The following NR2F1 variants were observed in gnomAD, a reference collection of about 807,000 sequenced individuals.
NR2F1 encodes the protein COUP transcription factor 1.
A neutral mutation model predicts 37.7 loss-of-function variants in NR2F1; 1 was observed. The observed-to-expected ratio is 0.03, with a 90% CI of 0.01 to 0.13. The LOEUF is 0.13. Among genes scored for constraint, NR2F1 ranks in the 10% least tolerant of loss-of-function variants. NR2F1 has a pLI of 1.00. For synonymous variants in NR2F1, 275 were observed against 259.6 expected (o/e 1.06, Z -0.57); for missense variants, 268 against 578.4 (o/e 0.46, Z 5.50).
Position 93,593,012 on chromosome 5 carries a change from T to C in NR2F1, c.992-550T>C, listed in dbSNP as rs1753359896. On this transcript the variant is annotated intron_variant, in intron 2 of 2. Coordinates refer to ENST00000327111, the MANE Select transcript of NR2F1 (RefSeq NM_005654.6). This position sits in a 1 kb window ranked among gnomAD's most constrained non-coding sequence, Gnocchi z 5.6. ...TCCCATGTGTTTGTTCACTACACAA[T>C]CTAGGTTCTCCTGGAGGTTTCTGGT... Among the ~76,000 whole-genome samples the C allele has an allele frequency of 6.6e-6, 1 of 152,128 alleles. No homozygotes were observed. The highest frequency in any genetic ancestry group is 2.1e-4 in the South Asian group (1 of 4,832).
chr5:93,591,434 G>A (rs997587397), intron 2 of NR2F1, among the ~76,000 whole-genome samples: 1 of 152,224 alleles, frequency 6.6e-6, no homozygotes, highest in African/African-American at 2.4e-5. Flanking sequence ...CAGAACCAGG[G>A]CTCCTGCCGG....
At chr5:93,591,089 A>G (rs989885689) in intron 2 of NR2F1, among the ~76,000 whole-genome samples, 1 of 152,238 alleles carries the variant, frequency 6.6e-6, no homozygotes, top group Non-Finnish European at 1.5e-5. Flanking sequence ...CATGAAATAC[A>G]TTCTCTGCAC....
chr5:93,585,776 C>T (rs892231935), intron 1 of NR2F1: 3 of 459,722 alleles, frequency 6.5e-6, no homozygotes, highest in Admixed American at 3.4e-5. Context: ...CTTAAAATCC[C>T]CTTCTTCCCT....
In NR2F1 at chr5:93,594,181, T is replaced by C. The variant is rs1753384308; in HGVS notation, c.*339T>C. ...TTTTAATAAAACAGAAGGAAACTAA[T>C]GGACCTTCCAGGATTTATTGTGGAC... is the stretch of plus-strand genomic sequence containing the variant. On this transcript the variant is annotated 3_prime_UTR_variant, in exon 3 of 3. Coordinates refer to ENST00000327111, the MANE Select transcript of NR2F1 (RefSeq NM_005654.6). 3 of 288,342 alleles carry C rather than the reference T, an allele frequency of 1.0e-5. No individual in the cohort carries two copies. The highest frequency in any genetic ancestry group is 5.0e-5 in the South Asian group (1 of 20,066). 17.9% of individuals were successfully genotyped at this position (288,342 alleles called of 1,614,324 possible).
chr5:93,593,852 G>A lies in NR2F1; in HGVS notation c.*10G>A, dbSNP rs577470913. ...CATCCAGTGCTCCTAGACCTTGGGC[G>A]CTTCCCACCTGCCCCGTCCCCCTAG... On this transcript the variant is annotated 3_prime_UTR_variant, in exon 3 of 3. Coordinates refer to ENST00000327111, the MANE Select transcript of NR2F1 (RefSeq NM_005654.6). This position sits in a 1 kb window ranked among gnomAD's most constrained non-coding sequence, Gnocchi z 5.6. 1.1e-4 allele frequency: 181 copies of A among 1,611,196 alleles called. 4 individuals carry two copies. In the South Asian group the frequency reaches 1.7e-3, roughly 15 times the overall value.
At chr5:93,585,928 C>T (rs1753224710) in intron 1 of NR2F1, among the ~76,000 whole-genome samples, 1 of 151,948 alleles carries the variant, frequency 6.6e-6, no homozygotes, top group South Asian at 2.1e-4. Context: ...TCCACTTTTC[C>T]CTCCACCTCT....
chr5:93,589,291 A>G (rs1262867543), intron 2 of NR2F1, among the ~76,000 whole-genome samples: 1 of 152,248 alleles, frequency 6.6e-6, no homozygotes, highest in Non-Finnish European at 1.5e-5. Context: ...CTCTTATGAT[A>G]GATGGTTCAA....
chr5:93,592,909 C>T lies in NR2F1; in HGVS notation c.992-653C>T, dbSNP rs376413383. Among the ~76,000 whole-genome samples the T allele has an allele frequency of 7.2e-4, 109 of 152,152 alleles. No homozygotes were observed. In the South Asian group the frequency reaches 0.015, roughly 20 times the overall value. ...GCAGAGTCCTTTCTTGCATAGATAA[C>T]GGATCTGAAATCCTATATTGCTAAA... is the stretch of plus-strand genomic sequence containing the variant. On this transcript the variant is annotated intron_variant, in intron 2 of 2. Coordinates refer to ENST00000327111, the MANE Select transcript of NR2F1 (RefSeq NM_005654.6).
At position 93,585,000 on chromosome 5, in the gene NR2F1, C is replaced by G. The variant is rs751463741; in HGVS notation, c.-24C>G. 2.1e-5 allele frequency: 21 copies of G among 993,218 alleles called. No homozygotes were observed. The highest frequency in any genetic ancestry group is 1.2e-4 in the African/African-American group (7 of 56,916). The allele number at this position is 993,218 out of a possible 1,614,324, so 61.5% of individuals were successfully genotyped here. On this transcript the variant is annotated 5_prime_UTR_variant, in exon 1 of 3. Transcript: ENST00000327111. ...CCCTCGGCGAGCAGCTCGGCTCCCC[C>G]CAGCGCTCCCCGGGCCCAAAGATAT... is the stretch of plus-strand genomic sequence containing the variant.
intron 2 of NR2F1, among the ~76,000 whole-genome samples, chr5:93,588,799 G>A (rs979945956): frequency 2.0e-5 from 3 of 151,802 alleles, no homozygotes; most frequent in African/African-American, 7.2e-5. Flanking sequence ...GCGCGTGTGT[G>A]TGTGTGTGTG....
At chr5:93,592,502 A>G (rs533128496) in intron 2 of NR2F1, among the ~76,000 whole-genome samples, 224 of 152,012 alleles carry the variant, frequency 1.5e-3, no homozygotes, top group African/African-American at 5.3e-3. Flanking sequence ...ATATAATATA[A>G]TCTGCTGTCC....
At position 93,583,332 on chromosome 5, in the gene NR2F1, TCTCTC is replaced by T. The variant is rs1753160578; in HGVS notation, c.-1687_-1683del. On this transcript the variant is annotated 5_prime_UTR_variant, in exon 1 of 3. Transcript: ENST00000327111. ...TCTCTCTCTCTCTCTCTCCTCTCTC[TCTCTC>T]CTCTTTCTCCCCCCTCTCTCCCTCC... 6.6e-6 allele frequency: 1 copy of T among 150,990 alleles called. No homozygotes were observed. The highest frequency in any genetic ancestry group is 2.4e-5 in the African/African-American group (1 of 41,042). The allele number at this position is 150,990 out of a possible 1,614,324, so 9.4% of individuals were successfully genotyped here.
intron 2 of NR2F1, among the ~76,000 whole-genome samples, chr5:93,590,303 C>T (rs952242855): frequency 1.3e-5 from 2 of 152,170 alleles, no homozygotes; most frequent in African/African-American, 2.4e-5. Context: ...TTTCCTTACA[C>T]CCCCTAAGGT....
intron 1 of NR2F1, 135 bp downstream of exon 1, chr5:93,585,621 G>C: frequency 1.4e-6 from 1 of 721,902 alleles, no homozygotes; most frequent in South Asian, 1.9e-5. Context: ...TCCTTCTCCC[G>C]GCTGCCTTCC....
intron 1 of NR2F1, 139 bp downstream of exon 1, chr5:93,585,625 G>T (rs1753216473): frequency 4.3e-6 from 3 of 703,160 alleles, no homozygotes; most frequent in Non-Finnish European, 7.1e-6. Context: ...TCTCCCGGCT[G>T]CCTTCCTCCC....
intron 1 of NR2F1, chr5:93,585,710 C>A (rs1554074710): frequency 1.8e-6 from 1 of 560,662 alleles, no homozygotes; most frequent in Non-Finnish European, 3.2e-6. Context: ...CTCCCCGGCT[C>A]CCCCACCCCG....
In NR2F1 at chr5:93,593,007, C is replaced by T. The variant is rs1030949296; in HGVS notation, c.992-555C>T. On this transcript the variant is annotated intron_variant, in intron 2 of 2. Coordinates refer to ENST00000327111, the MANE Select transcript of NR2F1 (RefSeq NM_005654.6). This position sits in a 1 kb window ranked among gnomAD's most constrained non-coding sequence, Gnocchi z 5.6. ...CCCCCTCCCATGTGTTTGTTCACTA[C>T]ACAATCTAGGTTCTCCTGGAGGTTT... Among the ~76,000 whole-genome samples, 8 of 152,118 alleles carry T rather than the reference C, an allele frequency of 5.3e-5. No individual in the cohort carries two copies. Among genetic ancestry groups the T allele is most frequent in the Admixed American group, 2.0e-4 (3 of 15,280 alleles).
Position 93,593,883 on chromosome 5 carries a change from C to T in NR2F1, c.*41C>T, listed in dbSNP as rs1251705759. 1.9e-6 allele frequency: 3 copies of T among 1,586,050 alleles called. No individual in the cohort carries two copies. Among genetic ancestry groups the T allele is most frequent in the Non-Finnish European group, 2.6e-6 (3 of 1,162,840 alleles). On this transcript the variant is annotated 3_prime_UTR_variant, in exon 3 of 3. Transcript: ENST00000327111. The surrounding 1 kb of genome is among the most constrained non-coding windows in gnomAD (Gnocchi z 5.6). The stretch of plus-strand genomic sequence containing the variant: ...CACCTGCCCCGTCCCCCTAGAGACT[C>T]AGAGGACCCACCTGGGCCAAGGACT...
intron 2 of NR2F1, among the ~76,000 whole-genome samples, chr5:93,590,049 T>C (rs534074285): frequency 2.6e-5 from 4 of 152,372 alleles, no homozygotes; most frequent in African/African-American, 9.6e-5. Context: ...ATAAGTCTTC[T>C]TGATGGAAAC....
Sources: gnomAD v4.1 joint callset for allele counts (sites outside exome capture counted in the v4.1 genomes callset) on GRCh38, gnomAD v4.1.1 for gene constraint, Gnocchi (gnomAD v3.1) non-coding constraint, MANE v1.5 for transcripts, NCBI Gene and HGNC (gene_info 2026-07-23, HGNC 2026-07-21) for gene names.